The following WFDC1 variants were observed in gnomAD, a reference collection of about 807,000 sequenced individuals.
WFDC1 encodes the protein WAP four-disulfide core domain 1.
WFDC1 carries 39 observed loss-of-function variants against 32.9 expected under a neutral mutation model. The observed-to-expected ratio is 1.19, with a 90% CI of 0.92 to 1.55. WFDC1 has a LOEUF of 1.55. WFDC1 is among the 40% of genes most tolerant of loss of function. The pLI is 0.00. For synonymous variants in WFDC1, 184 were observed against 137.4 expected (o/e 1.34, Z -2.37); for missense variants, 386 against 309.5 (o/e 1.25, Z -1.85).
intron 6 of WFDC1, chr16:84,328,533 C>A (rs1172705654): frequency 6.6e-6 from 1 of 152,218 alleles, no homozygotes; most frequent in Admixed American, 6.5e-5. Flanking sequence ...CTGCTGATGA[C>A]AGGAGCCGTC....
chr16:84,321,198 C>G (rs1908285008), intron 4 of WFDC1, among the ~76,000 whole-genome samples: 2 of 152,254 alleles, frequency 1.3e-5, no homozygotes, highest in African/African-American at 4.8e-5. Context: ...TTTGCCTTTT[C>G]TGTAAAATGG....
intron 5 of WFDC1, chr16:84,326,674 C>A: frequency 1.8e-6 from 1 of 570,512 alleles, no homozygotes; most frequent in Non-Finnish European, 3.1e-6. Context: ...GGAGGTAAGA[C>A]CAGAAACATA....
chr16:84,296,184 T>A (rs1393596107), intron 1 of WFDC1, among the ~76,000 whole-genome samples: 3 of 152,200 alleles, frequency 2.0e-5, no homozygotes, highest in Non-Finnish European at 4.4e-5. Flanking sequence ...CCACAGCACC[T>A]GTGTGAGGAT....
In WFDC1 at chr16:84,318,278, A is replaced by G; in HGVS notation, c.344A>G (p.Asp115Gly). The change falls in exon 3 of 7, where the codon GAC (aspartate) becomes GGC (glycine). Residue 115 changes from aspartate to glycine, a missense_variant. Transcript: ENST00000219454. ...LEAVPPPPVL[D>G]WLVQPKPRWL... ...TGACCCCGTATTGTGTTAGTCTTAG[A>G]CTGGCTGGTGCAGCCGAAACCTCGA... 1 of 1,614,150 alleles carries G rather than the reference A, an allele frequency of 6.2e-7. No individual in the cohort carries two copies. Among genetic ancestry groups the G allele is most frequent in the Non-Finnish European group, 8.5e-7 (1 of 1,179,976 alleles).
chr16:84,315,986 C>G (rs1057448812), intron 2 of WFDC1: 2 of 152,216 alleles, frequency 1.3e-5, no homozygotes, highest in African/African-American at 4.8e-5. Flanking sequence ...ATGGGGAGCC[C>G]GGACCAAGTT....
rs555788394 is a variant in WFDC1 at position 84,306,678 on chromosome 16, C to G, written c.145-6283C>G. ...CTCTGCAGAACCCACTGCACAGGGC[C>G]CATGTGCAGATCAGCGAGTTAATGC... On this transcript the variant is annotated intron_variant, in intron 1 of 6. Transcript: ENST00000219454. Among the ~76,000 whole-genome samples the G allele has an allele frequency of 2.0e-5, 3 of 152,268 alleles. 1 individual carries two copies. In the South Asian group the frequency reaches 6.2e-4, roughly 32 times the overall value.
rs1237753830 is a variant in WFDC1, at chr16:84,319,428, C to T, written c.422-3C>T. ...TAGACCCCAGCGTGTGTCCCTCCTG[C>T]AGCAGAGGCGTGCAGCACCACGGAG... On this transcript the variant is annotated splice_polypyrimidine_tract_variant and splice_region_variant and intron_variant, in intron 3 of 6. Coordinates refer to ENST00000219454, the MANE Select transcript of WFDC1 (RefSeq NM_021197.4). 15 of 1,609,088 alleles carry T rather than the reference C, an allele frequency of 9.3e-6. No homozygotes were observed. The East Asian group carries it at 3.1e-4, about 33-fold the overall frequency.
chr16:84,325,964 A>G (rs1258297068), intron 5 of WFDC1: 3 of 151,498 alleles, frequency 2.0e-5, no homozygotes, highest in Non-Finnish European at 2.9e-5. Context: ...CCATCCACCC[A>G]TCTACCCATC....
intron 5 of WFDC1, among the ~76,000 whole-genome samples, chr16:84,325,163 C>A (rs1434663996): frequency 6.6e-6 from 1 of 151,844 alleles, no homozygotes; most frequent in Non-Finnish European, 1.5e-5. Flanking sequence ...TCCATCCATT[C>A]ATACATACAT....
intron 2 of WFDC1, among the ~76,000 whole-genome samples, chr16:84,315,409 G>C (rs1208829325): frequency 1.3e-5 from 2 of 152,206 alleles, no homozygotes; most frequent in African/African-American, 4.8e-5. Flanking sequence ...CAGGGAGTTT[G>C]TCTTTCATTC....
rs144880447 is a variant in WFDC1, at chr16:84,328,447, A to T, written c.*16-875A>T. The T allele has an allele frequency of 4.4e-3, 666 of 152,346 alleles. 7 individuals are homozygous for T. The highest frequency in any genetic ancestry group is 0.015 in the African/African-American group (638 of 41,570). 9.4% of individuals were successfully genotyped at this position (152,346 alleles called of 1,614,324 possible). On this transcript the variant is annotated intron_variant, in intron 6 of 6. Coordinates refer to ENST00000219454, the MANE Select transcript of WFDC1 (RefSeq NM_021197.4). ...CCTCCCAGGACGTCGCTGAAACGCA[A>T]ATGTCAGATTGCAGGTTCCAGAATC...
chr16:84,306,449 C>G, intron 1 of WFDC1, among the ~76,000 whole-genome samples: 1 of 152,188 alleles, frequency 6.6e-6, no homozygotes, highest in East Asian at 1.9e-4. Context: ...CCAGGAGGAG[C>G]AGCGAATCCT....
rs568565386 is a variant in WFDC1, at chr16:84,327,058, G to A, written c.*15+103G>A. The A allele has an allele frequency of 2.2e-4, 237 of 1,096,726 alleles. 1 individual carries two copies. Among genetic ancestry groups the A allele is most frequent in the African/African-American group, 1.3e-3 (81 of 64,536 alleles). 67.9% of individuals were successfully genotyped at this position (1,096,726 alleles called of 1,614,324 possible). A position where few individuals can be genotyped will look rare whatever the true frequency, so the allele number is the denominator to read the frequency against. On this transcript the variant is annotated intron_variant, in intron 6 of 6. Coordinates refer to ENST00000219454, the MANE Select transcript of WFDC1 (RefSeq NM_021197.4). ...TGAGGAGCAGGAGGGTGAGAGTAGCGCTTTCCCTACTGGTAGAATTTGAAA... is the reference window on the plus strand; with the variant it reads ...TGAGGAGCAGGAGGGTGAGAGTAGCACTTTCCCTACTGGTAGAATTTGAAA...
At chr16:84,310,285 G>A (rs1452388491) in intron 1 of WFDC1, among the ~76,000 whole-genome samples, 2 of 152,102 alleles carry the variant, frequency 1.3e-5, no homozygotes, top group East Asian at 3.9e-4. Flanking sequence ...GCGCTGATTT[G>A]AGTCTCGGGG....
At position 84,322,145 on chromosome 16, in the gene WFDC1, C is replaced by CTG. The variant is rs751867533; in HGVS notation, c.563-2261_563-2260dup. On this transcript the variant is annotated intron_variant, in intron 4 of 6. Coordinates refer to ENST00000219454, the MANE Select transcript of WFDC1 (RefSeq NM_021197.4). Reference sequence around the variant, plus strand: ...CAAGACTGTCCACCAGCCTCAGAGCCTGTGTGTGTGTGTGCGTGTGTGTGT... The same window carrying CTG: ...CAAGACTGTCCACCAGCCTCAGAGCCTGTGTGTGTGTGTGTGCGTGTGTGTGT... Among the ~76,000 whole-genome samples the CTG allele has an allele frequency of 3.6e-3, 392 of 109,452 alleles. 5 individuals are homozygous for CTG. Among genetic ancestry groups the CTG allele is most frequent in the East Asian group, 0.014 (59 of 4,316 alleles). 71.8% of individuals were successfully genotyped at this position (109,452 alleles called of 152,430 possible). A position where few individuals can be genotyped will look rare whatever the true frequency, so the allele number is the denominator to read the frequency against.
intron 1 of WFDC1, among the ~76,000 whole-genome samples, 196 bp from the exon 2 acceptor site, chr16:84,312,765 G>C (rs1907708672): frequency 6.6e-6 from 1 of 152,148 alleles, no homozygotes; most frequent in African/African-American, 2.4e-5. Flanking sequence ...CGTGCCGACT[G>C]TTATAAAAAG....
chr16:84,314,584 C>T (rs35440108), intron 2 of WFDC1, among the ~76,000 whole-genome samples: 16,811 of 152,180 alleles, frequency 0.11, 1,123 homozygotes, highest in Non-Finnish European at 0.16. Flanking sequence ...GAGGTCACAG[C>T]GATGACAGGG....
intron 4 of WFDC1, among the ~76,000 whole-genome samples, chr16:84,320,264 T>C (rs1432555338): frequency 7.2e-5 from 11 of 152,254 alleles, no homozygotes; most frequent in Admixed American, 7.2e-4. Context: ...AGGTATGGTG[T>C]TCAGTAGGTT....
chr16:84,295,469 T>C (rs1371234446), intron 1 of WFDC1: 1 of 422,554 alleles, frequency 2.4e-6, no homozygotes, highest in East Asian at 3.6e-5. Context: ...GTACCAAATG[T>C]TTGTGAAATA....
Sources: allele counts gnomAD v4.1 joint callset (sites outside exome capture counted in the v4.1 genomes callset), GRCh38; gene constraint gnomAD v4.1.1; transcripts MANE v1.5; gene names NCBI Gene and HGNC (gene_info 2026-07-23, HGNC 2026-07-21).